LRFN5: variants seen among roughly 807,000 people sequenced by gnomAD.
The protein encoded by LRFN5 is leucine rich repeat and fibronectin type III domain containing 5.
LRFN5 carries 24 observed loss-of-function variants against 45.6 expected under a neutral mutation model. The ratio of observed to expected loss-of-function variants is 0.53; its 90% CI spans 0.38 to 0.74. LRFN5 has a LOEUF of 0.74. Ranked by LOEUF, LRFN5 falls within the 30% of genes least tolerant of loss-of-function variation. LRFN5 has a pLI of 0.00. For synonymous variants in LRFN5, 340 were observed against 313.8 expected, an observed-to-expected ratio of 1.08 and a Z score of -0.88; for missense variants, 776 against 861.5, an observed-to-expected ratio of 0.90 and a Z score of 1.24.
At chr14:41,681,382 C>A (rs1260429340) in intron 1 of LRFN5, among the ~76,000 whole-genome samples, 1 of 152,054 alleles carries the variant, frequency 6.6e-6, no homozygotes, top group Non-Finnish European at 1.5e-5. Context: ...AGAAAAGAAA[C>A]AATTAACATA....
At chr14:41,741,454 T>C (rs916318512) in intron 1 of LRFN5, among the ~76,000 whole-genome samples, 1 of 151,752 alleles carries the variant, frequency 6.6e-6, no homozygotes, top group Non-Finnish European at 1.5e-5. Context: ...GAAAAGACAA[T>C]CACTTCAATA....
chr14:41,642,596 C>T (rs975462199), intron 1 of LRFN5, among the ~76,000 whole-genome samples: 2 of 152,254 alleles, frequency 1.3e-5, no homozygotes, highest in East Asian at 3.9e-4. Flanking sequence ...TGCCAAAAGA[C>T]ATGGATTATC....
chr14:41,816,486 A>G (rs891542281), intron 2 of LRFN5, among the ~76,000 whole-genome samples: 2 of 151,914 alleles, frequency 1.3e-5, no homozygotes, highest in Non-Finnish European at 2.9e-5. Flanking sequence ...AATTTCCTCA[A>G]TGTTTGTTTG....
chr14:41,855,216 TA>T (rs1889411924), intron 2 of LRFN5, among the ~76,000 whole-genome samples: 1 of 152,128 alleles, frequency 6.6e-6, no homozygotes, highest in East Asian at 1.9e-4. Flanking sequence ...GTAGGGTGAA[TA>T]AAGTTATAAT....
chr14:41,855,645 G>A (rs1315189935), intron 2 of LRFN5, among the ~76,000 whole-genome samples: 1 of 152,156 alleles, frequency 6.6e-6, no homozygotes, highest in Non-Finnish European at 1.5e-5. Context: ...CGACAAAAGT[G>A]TTCTTGCCTA....
At chr14:41,716,100 G>C (rs1369022454) in intron 1 of LRFN5, among the ~76,000 whole-genome samples, 1 of 152,156 alleles carries the variant, frequency 6.6e-6, no homozygotes, top group Non-Finnish European at 1.5e-5. Flanking sequence ...GGAGCAGCTG[G>C]TACACAGGAC....
intron 1 of LRFN5, among the ~76,000 whole-genome samples, chr14:41,743,338 CTT>C (rs57403802): frequency 0.17 from 25,213 of 152,090 alleles, 2,184 homozygotes; most frequent in Admixed American, 0.19. Context: ...ATGCTAGAGA[CTT>C]GAGCCAGTTA....
At chr14:41,656,530 C>G (rs935062819) in intron 1 of LRFN5, among the ~76,000 whole-genome samples, 1 of 151,778 alleles carries the variant, frequency 6.6e-6, no homozygotes, top group African/African-American at 2.4e-5. Context: ...ATCTTCCAGT[C>G]AGGATGAATA....
chr14:41,836,419 A>G (rs1375392629), intron 2 of LRFN5, among the ~76,000 whole-genome samples: 2 of 152,126 alleles, frequency 1.3e-5, no homozygotes, highest in Non-Finnish European at 2.9e-5. Flanking sequence ...ATAAGTAGAC[A>G]TGTGTATGTT....
At chr14:41,716,478 A>C (rs10143094) in intron 1 of LRFN5, among the ~76,000 whole-genome samples, 96,195 of 151,918 alleles carry the variant, frequency 0.63, 31,052 homozygotes, top group African/African-American at 0.77. Context: ...TACCCTAAAT[A>C]ATCTCTATCA....
At chr14:41,715,084 A>C (rs1883439033) in intron 1 of LRFN5, among the ~76,000 whole-genome samples, 1 of 152,172 alleles carries the variant, frequency 6.6e-6, no homozygotes, top group African/African-American at 2.4e-5. Context: ...ATCCAAGAGT[A>C]ACATATCCAT....
At chr14:41,771,010 A>G (rs1886065886) in intron 2 of LRFN5, among the ~76,000 whole-genome samples, 2 of 151,616 alleles carry the variant, frequency 1.3e-5, no homozygotes, top group African/African-American at 4.8e-5. Flanking sequence ...CAGATTTAAC[A>G]CCATGTGGAA....
At chr14:41,774,302 C>G (rs1486603343) in intron 2 of LRFN5, among the ~76,000 whole-genome samples, 2 of 152,192 alleles carry the variant, frequency 1.3e-5, no homozygotes, top group Non-Finnish European at 2.9e-5. Context: ...CCATATACCA[C>G]TACAGACTAC....
intron 2 of LRFN5, among the ~76,000 whole-genome samples, chr14:41,813,932 A>T (rs1011971466): frequency 1.1e-4 from 16 of 151,996 alleles, no homozygotes; most frequent in Non-Finnish European, 2.1e-4. Flanking sequence ...GCTTTTTTTC[A>T]TATATTTGCT....
intron 2 of LRFN5, among the ~76,000 whole-genome samples, chr14:41,880,767 C>T (rs747246585): frequency 2.9e-4 from 44 of 151,966 alleles, no homozygotes; most frequent in Non-Finnish European, 5.9e-5. Context: ...AAAAAAATTC[C>T]CTTTTTCCTA....
chr14:41,671,617 G>GTTTGTTTTTTTTTTT (rs1881224920), intron 1 of LRFN5, among the ~76,000 whole-genome samples: 3 of 78,020 alleles, frequency 3.8e-5, no homozygotes, highest in South Asian at 1.0e-3. Flanking sequence ...TTTTTTTTTC[G>GTTTGTTTTTTTTTTT]TTTTTTTTTT....
chr14:41,806,473 T>C (rs1049524086), intron 2 of LRFN5, among the ~76,000 whole-genome samples: 3 of 152,202 alleles, frequency 2.0e-5, no homozygotes, highest in African/African-American at 7.2e-5. Context: ...AGCAGAATGA[T>C]ATTCCTAGAA....
chr14:41,612,595 G>C (rs138135938), intron 1 of LRFN5, among the ~76,000 whole-genome samples: 28 of 152,194 alleles, frequency 1.8e-4, no homozygotes, highest in African/African-American at 6.7e-4. Context: ...GCATAACTCT[G>C]TCTTGTTCAA....
At position 41,625,813 on chromosome 14, in the gene LRFN5, T is replaced by C. The variant is rs187996524; in HGVS notation, c.-197+17251T>C. ...CATCAAAAACACATTTAAACAACTTTATACAGCCTAAGTATTCATCAATGG... is the reference window on the plus strand; with the variant it reads ...CATCAAAAACACATTTAAACAACTTCATACAGCCTAAGTATTCATCAATGG... On this transcript the variant is annotated intron_variant, in intron 1 of 5. Transcript: ENST00000298119. 3.3e-5 allele frequency among the ~76,000 whole-genome samples: 5 copies of C among 152,284 alleles called. No individual in the cohort carries two copies. In the East Asian group the frequency reaches 5.8e-4, roughly 18 times the overall value.
Sources: allele counts gnomAD v4.1 joint callset (sites outside exome capture counted in the v4.1 genomes callset), GRCh38; gene constraint gnomAD v4.1.1; transcripts MANE v1.5; gene names NCBI Gene and HGNC (gene_info 2026-07-23, HGNC 2026-07-21).